The following JARID2 variants were observed in gnomAD, a reference collection of about 807,000 sequenced individuals.
JARID2 encodes protein Jumonji.
Under a neutral mutation model 125.6 loss-of-function variants are expected in JARID2, and 21 were observed. The observed-to-expected ratio is 0.17, with a 90% CI of 0.12 to 0.24. The LOEUF (loss-of-function observed/expected upper bound fraction) is 0.24, where lower values mean the gene tolerates loss of function less well. Ranked by LOEUF, JARID2 falls within the 10% of genes least tolerant of loss-of-function variation. The pLI, the probability that JARID2 is intolerant of heterozygous loss-of-function variation, is 1.00. For synonymous variants in JARID2, 736 were observed against 661.6 expected (o/e 1.11, Z -1.73); for missense variants, 1,303 against 1,639.6 (o/e 0.79, Z 3.55).
intron 1 of JARID2, among the ~76,000 whole-genome samples, chr6:15,330,388 C>T (rs561868863): frequency 2.0e-5 from 3 of 152,298 alleles, no homozygotes; most frequent in African/African-American, 7.2e-5. Flanking sequence ...TAAGTTGATC[C>T]ACTTGTGTGG....
chr6:15,461,257 G>A (rs758928248), intron 4 of JARID2, among the ~76,000 whole-genome samples: 18 of 152,208 alleles, frequency 1.2e-4, no homozygotes, highest in African/African-American at 7.2e-5. Flanking sequence ...CTAGATTAGC[G>A]TGGGAATAGG....
chr6:15,368,600 A>G (rs1764056717), intron 1 of JARID2: 1 of 394,928 alleles, frequency 2.5e-6, no homozygotes, highest in South Asian at 1.8e-5. Context: ...TAACCAAAAG[A>G]GAAGGGTTTG....
intron 2 of JARID2, among the ~76,000 whole-genome samples, chr6:15,391,459 G>T (rs920510337): frequency 6.6e-6 from 1 of 152,202 alleles, no homozygotes; most frequent in East Asian, 1.9e-4. Context: ...GGGGAGGCCT[G>T]AGACAGACAG....
intron 1 of JARID2, among the ~76,000 whole-genome samples, chr6:15,268,737 G>A (rs1760185056): frequency 6.6e-6 from 1 of 152,164 alleles, no homozygotes. Flanking sequence ...TTTTTAACAT[G>A]GGAGAGCTTC....
chr6:15,447,883 T>C (rs1767743442), intron 3 of JARID2, among the ~76,000 whole-genome samples: 1 of 152,232 alleles, frequency 6.6e-6, no homozygotes, highest in Non-Finnish European at 1.5e-5. Flanking sequence ...TTGTGAGTTT[T>C]CAGCACATCC....
chr6:15,511,799 C>T (rs1411321663), intron 13 of JARID2, among the ~76,000 whole-genome samples: 3 of 152,214 alleles, frequency 2.0e-5, no homozygotes, highest in Non-Finnish European at 4.4e-5. Flanking sequence ...GCTTCTCTGG[C>T]CTCTGCTGAC....
At chr6:15,495,116 C>T (rs184723920) in intron 6 of JARID2, among the ~76,000 whole-genome samples, 125 of 152,290 alleles carry the variant, frequency 8.2e-4, no homozygotes, top group African/African-American at 2.8e-3. Context: ...CACATTGTGA[C>T]GCAGAGAAGA....
At chr6:15,342,002 A>G (rs1209622935) in intron 1 of JARID2, among the ~76,000 whole-genome samples, 1 of 150,544 alleles carries the variant, frequency 6.6e-6, no homozygotes, top group African/African-American at 2.5e-5. Context: ...TTCTGCTAAA[A>G]TAAAAAGGGG....
intron 2 of JARID2, among the ~76,000 whole-genome samples, chr6:15,395,520 C>T (rs1765189276): frequency 6.6e-6 from 1 of 152,130 alleles, no homozygotes; most frequent in South Asian, 2.1e-4. Flanking sequence ...CTGCCTCAGC[C>T]TCTCAAAGTG....
chr6:15,400,764 C>G (rs1765397003), intron 2 of JARID2: 1 of 982,980 alleles, frequency 1.0e-6, no homozygotes, highest in East Asian at 1.1e-4. Flanking sequence ...GCTGCCTCCC[C>G]TCCCCCTCGG....
intron 12 of JARID2, among the ~76,000 whole-genome samples, chr6:15,510,509 TTTC>T (rs1771225159): frequency 1.3e-5 from 2 of 152,146 alleles, no homozygotes; most frequent in Admixed American, 1.3e-4. Context: ...CCTCCCACCT[TTTC>T]TTACACTTGA....
At chr6:15,251,452 A>G (rs969807258) in intron 1 of JARID2, among the ~76,000 whole-genome samples, 1 of 152,314 alleles carries the variant, frequency 6.6e-6, no homozygotes, top group South Asian at 2.1e-4. Context: ...CCAGGATTAC[A>G]GTAGTAGCAG....
chr6:15,299,694 C>T (rs958885442), intron 1 of JARID2, among the ~76,000 whole-genome samples: 3 of 152,132 alleles, frequency 2.0e-5, no homozygotes, highest in Non-Finnish European at 4.4e-5. Flanking sequence ...GGGCGCCACA[C>T]AGATGGTTCT....
chr6:15,337,482 A>T (rs1484052476), intron 1 of JARID2, among the ~76,000 whole-genome samples: 3 of 152,136 alleles, frequency 2.0e-5, no homozygotes, highest in Non-Finnish European at 4.4e-5. Flanking sequence ...AACAGCCACG[A>T]TGGGGGAGGT....
intron 2 of JARID2, among the ~76,000 whole-genome samples, chr6:15,385,799 A>G (rs1764763092): frequency 6.6e-6 from 1 of 152,092 alleles, no homozygotes; most frequent in African/African-American, 2.4e-5. Flanking sequence ...GAGTCTGCCA[A>G]CTGGGACTCC....
intron 1 of JARID2, among the ~76,000 whole-genome samples, chr6:15,280,250 T>C (rs1029904401): frequency 2.6e-5 from 4 of 152,204 alleles, no homozygotes; most frequent in Non-Finnish European, 5.9e-5. Context: ...AAAGTAAATG[T>C]TGGCTCTCTT....
At chr6:15,299,401 A>G (rs937060972) in intron 1 of JARID2, among the ~76,000 whole-genome samples, 4 of 152,142 alleles carry the variant, frequency 2.6e-5, no homozygotes, top group African/African-American at 9.7e-5. Context: ...GGTCTTGCAT[A>G]CTGAGGTGGT....
At chr6:15,292,347 CT>C (rs1761258734) in intron 1 of JARID2, among the ~76,000 whole-genome samples, 1 of 152,116 alleles carries the variant, frequency 6.6e-6, no homozygotes, top group African/African-American at 2.4e-5. Context: ...TTTCTGTGTC[CT>C]TTTTTTCCAT....
In JARID2 at chr6:15,370,834, A is replaced by T. The variant is rs946952330; in HGVS notation, c.46-3283A>T. 1.4e-4 allele frequency among the ~76,000 whole-genome samples: 22 copies of T among 152,272 alleles called. No individual in the cohort carries two copies. The East Asian group carries it at 2.9e-3, about 20-fold the overall frequency. On this transcript the variant is annotated intron_variant, in intron 1 of 17. Coordinates refer to ENST00000341776, the MANE Select transcript of JARID2 (RefSeq NM_004973.4). ...TCTGCTAGAGGATTATAAGGTAAGG[A>T]TGATTCACCATGACCCTACAGTTGA... is the stretch of plus-strand genomic sequence containing the variant.
Sources: gnomAD v4.1 joint callset for allele counts (sites outside exome capture counted in the v4.1 genomes callset) on GRCh38, gnomAD v4.1.1 for gene constraint, MANE v1.5 for transcripts, NCBI Gene and HGNC (gene_info 2026-07-23, HGNC 2026-07-21) for gene names.